Variants in HEATR5B observed in about 807,000 individuals in gnomAD.
The protein encoded by HEATR5B is HEAT repeat containing 5B, also known as HEAT repeat-containing protein 5B.
A neutral mutation model predicts 224.1 loss-of-function variants in HEATR5B; 156 were observed. That is an observed-to-expected ratio of 0.70 (90% CI 0.61 to 0.80). The LOEUF is 0.80. HEATR5B is among the 30% of genes least tolerant of loss of function. The pLI is 0.00. For missense variants in HEATR5B, 2,323 were observed against 2,535.5 expected (o/e 0.92, Z 1.80); for synonymous variants, 1,027 against 893.0 (o/e 1.15, Z -2.68).
intron 27 of HEATR5B, among the ~76,000 whole-genome samples, chr2:37,013,165 G>T (rs1225474487): frequency 6.6e-6 from 1 of 152,174 alleles, no homozygotes; most frequent in Non-Finnish European, 1.5e-5. Flanking sequence ...CTTAAACGTG[G>T]TTTCACTTTC....
At chr2:37,052,466 G>C (rs917551880) in intron 17 of HEATR5B, among the ~76,000 whole-genome samples, 24 of 152,194 alleles carry the variant, frequency 1.6e-4, no homozygotes, top group Non-Finnish European at 3.4e-4. Context: ...CGATGGGACA[G>C]CAAAACTAAC....
At chr2:37,016,236 A>AC (rs1205655224) in intron 26 of HEATR5B, among the ~76,000 whole-genome samples, 1 of 150,236 alleles carries the variant, frequency 6.7e-6, no homozygotes, top group Non-Finnish European at 1.5e-5. Flanking sequence ...CCTCAGCCTC[A>AC]CAAGTAGCTG....
At chr2:37,019,942 C>T in intron 25 of HEATR5B, 65 bp from the exon 26 acceptor site, 1 of 1,195,954 alleles carries the variant, frequency 8.4e-7, no homozygotes, top group Admixed American at 2.0e-5. Flanking sequence ...CTTACTCTAT[C>T]ACCCAGGCTG....
chr2:37,077,798 G>A (rs954970400), intron 3 of HEATR5B, among the ~76,000 whole-genome samples: 6 of 152,088 alleles, frequency 3.9e-5, no homozygotes, highest in Admixed American at 1.3e-4. Flanking sequence ...CTCCAGAAAC[G>A]GAATATAGCT....
rs1391089039 is a variant in HEATR5B, at chr2:36,981,409, T to C, written c.*81A>G. On this transcript the variant is annotated 3_prime_UTR_variant, in exon 36 of 36. Transcript: ENST00000233099. ...CAATATACAAATAAAACAGAACCCA[T>C]AGGTAGCCTGGAATGATACAGTGGC... is the stretch of plus-strand genomic sequence containing the variant. The C allele has an allele frequency of 3.7e-6, 4 of 1,081,372 alleles. No individual in the cohort carries two copies. The highest frequency in any genetic ancestry group is 5.3e-6 in the Non-Finnish European group (4 of 755,446). The allele number at this position is 1,081,372 out of a possible 1,614,324, so 67.0% of individuals were successfully genotyped here.
intron 10 of HEATR5B, among the ~76,000 whole-genome samples, chr2:37,063,240 A>G (rs1488011260): frequency 6.6e-6 from 1 of 152,146 alleles, no homozygotes; most frequent in Non-Finnish European, 1.5e-5. Context: ...TAACATCCAC[A>G]CAGAATGGCT....
intron 27 of HEATR5B, among the ~76,000 whole-genome samples, chr2:37,012,126 A>G (rs1011831500): frequency 2.0e-5 from 3 of 152,210 alleles, no homozygotes; most frequent in African/African-American, 7.2e-5. Flanking sequence ...ACATAATGCT[A>G]CTACTCAGAT....
At chr2:37,046,236 G>C (rs569383919) in intron 18 of HEATR5B, among the ~76,000 whole-genome samples, 3 of 152,270 alleles carry the variant, frequency 2.0e-5, no homozygotes, top group Admixed American at 1.3e-4. Flanking sequence ...TAGGAACAAT[G>C]CACCTAAATT....
Position 37,053,581 on chromosome 2 carries a change from T to G in HEATR5B, c.2426A>C (p.Glu809Ala). The change falls in exon 17 of 36, where the codon GAA (glutamate) becomes GCA (alanine). Residue 809 changes from glutamate to alanine, a missense_variant. Coordinates refer to ENST00000233099, the MANE Select transcript of HEATR5B (RefSeq NM_019024.3). Reference sequence around the variant, plus strand: ...GACACCTTTAGCTTGTTTAACACATTCAGCAAAGTGATCCAACATTTGTAA... The same window carrying G: ...GACACCTTTAGCTTGTTTAACACATGCAGCAAAGTGATCCAACATTTGTAA... ...HRLQMLDHFA[E>A]CVKQAKGVRQ... is the part of the protein sequence containing the mutation. The G allele has an allele frequency of 1.2e-6, 2 of 1,605,092 alleles. No homozygotes were observed. The highest frequency in any genetic ancestry group is 1.7e-5 in the Admixed American group (1 of 59,646).
At chr2:37,071,376 T>C in intron 6 of HEATR5B, among the ~76,000 whole-genome samples, 1 of 152,184 alleles carries the variant, frequency 6.6e-6, no homozygotes, top group South Asian at 2.1e-4. Context: ...TACGGAACTG[T>C]GAAGCAAAGC....
chr2:37,080,795 T>C (rs1304166238), intron 2 of HEATR5B, among the ~76,000 whole-genome samples: 1 of 149,408 alleles, frequency 6.7e-6, no homozygotes, highest in African/African-American at 2.5e-5. Flanking sequence ...AAAAATGCCC[T>C]GAACTGAGGA....
chr2:37,002,867 TG>T (rs1409797873), intron 31 of HEATR5B, among the ~76,000 whole-genome samples: 23 of 152,130 alleles, frequency 1.5e-4, no homozygotes, highest in African/African-American at 5.3e-4. Flanking sequence ...TGACAAAAGG[TG>T]AAAAATAGTC....
At chr2:37,060,489 AT>A (rs1671215225) in intron 12 of HEATR5B, 91 bp downstream of exon 12, 2 of 1,121,298 alleles carry the variant, frequency 1.8e-6, no homozygotes, top group Non-Finnish European at 2.5e-6. Context: ...ACCTAGTAAA[AT>A]AAAAAACTAT....
rs774136648 is a variant in HEATR5B at position 37,007,123 on chromosome 2, G to A, written c.4704C>T (p.Asn1568=). The change falls in exon 29 of 36, where the codon AAC becomes AAT. Residue 1568 remains asparagine, a synonymous_variant. Transcript: ENST00000233099. The part of the protein sequence containing the change: ...LQKRSTSVNL[N]QASGAVGSAK... The stretch of plus-strand genomic sequence containing the variant: ...CACTACCCACTGCTCCTGATGCCTG[G>A]TTTAAATTGACAGATGTAGAACGTT... 1 of 1,614,038 alleles carries A rather than the reference G, an allele frequency of 6.2e-7. No individual in the cohort carries two copies. The highest frequency in any genetic ancestry group is 8.5e-7 in the Non-Finnish European group (1 of 1,179,990).
At chr2:37,055,140 A>G (rs779654918) in intron 16 of HEATR5B, 4 of 385,734 alleles carry the variant, frequency 1.0e-5, no homozygotes, top group Non-Finnish European at 2.2e-5. Context: ...CTGGTTGAAA[A>G]CCAAAGTAGG....
At chr2:36,989,379 C>T (rs369578323) in intron 34 of HEATR5B, among the ~76,000 whole-genome samples, 9 of 152,250 alleles carry the variant, frequency 5.9e-5, no homozygotes, top group East Asian at 1.9e-4. Flanking sequence ...CCACCATGCC[C>T]GGCCAATTCC....
chr2:37,007,112 C>T lies in HEATR5B; in HGVS notation c.4715G>A (p.Gly1572Glu), dbSNP rs1379810543. The T allele has an allele frequency of 1.2e-6, 2 of 1,613,950 alleles. No homozygotes were observed. The highest frequency in any genetic ancestry group is 1.7e-6 in the Non-Finnish European group (2 of 1,179,980). ...CAAAGATTTAGCACTACCCACTGCT[C>T]CTGATGCCTGGTTTAAATTGACAGA... ...STSVNLNQAS[G>E]AVGSAKSLPE... is the part of the protein sequence containing the mutation. Residue 1572 changes from glycine to glutamate, a missense_variant, in exon 29 of 36, where the codon GGA (glycine) becomes GAA (glutamate). Around this residue, in one of 12 missense-constraint regions of HEATR5B, gnomAD observed 844 missense variants for 812.9 expected, o/e 1.04. Coordinates refer to ENST00000233099, the MANE Select transcript of HEATR5B (RefSeq NM_019024.3).
intron 8 of HEATR5B, 136 bp downstream of exon 8, chr2:37,068,545 T>A: frequency 1.1e-6 from 1 of 877,732 alleles, no homozygotes; most frequent in East Asian, 2.6e-5. Flanking sequence ...TAATATCAAA[T>A]AAGAGTACTC....
At chr2:37,000,847 T>C in intron 32 of HEATR5B, 34 bp from the exon 33 acceptor site, 1 of 1,354,380 alleles carries the variant, frequency 7.4e-7, no homozygotes, top group Non-Finnish European at 1.1e-6. Flanking sequence ...ACCTCATAAC[T>C]ATTCAGTTCC....
Sources: allele counts gnomAD v4.1 joint callset (sites outside exome capture counted in the v4.1 genomes callset), GRCh38; gene constraint gnomAD v4.1.1; regional missense constraint gnomAD v4.1.1; transcripts MANE v1.5; gene names NCBI Gene and HGNC (gene_info 2026-07-23, HGNC 2026-07-21).